Variants in STK33 observed in about 807,000 individuals in gnomAD.
The protein encoded by STK33 is serine/threonine-protein kinase 33.
A neutral mutation model predicts 58.0 loss-of-function variants in STK33; 52 were observed. The ratio of observed to expected loss-of-function variants is 0.90; its 90% CI spans 0.72 to 1.13. STK33 has a LOEUF of 1.13. STK33 is among the 50% of genes most tolerant of loss of function. The pLI is 0.00. For missense variants in STK33, 630 were observed against 604.2 expected (o/e 1.04, Z -0.45); for synonymous variants, 215 against 200.1 (o/e 1.07, Z -0.63).
intron 1 of STK33, among the ~76,000 whole-genome samples, chr11:8,516,028 T>A (rs759627514): frequency 1.3e-5 from 2 of 152,058 alleles, no homozygotes; most frequent in South Asian, 2.1e-4. Flanking sequence ...CTTACCAATA[T>A]CCCAACAGCA....
At chr11:8,587,199 C>G (rs1288461950) in intron 1 of STK33, among the ~76,000 whole-genome samples, 2 of 152,090 alleles carry the variant, frequency 1.3e-5, no homozygotes, top group South Asian at 2.1e-4. Flanking sequence ...AACTCTAAGA[C>G]TCTATGGAGT....
chr11:8,459,859 GAGGAA>G (rs1230299303), intron 8 of STK33, among the ~76,000 whole-genome samples: 6 of 152,170 alleles, frequency 3.9e-5, no homozygotes, highest in Non-Finnish European at 8.8e-5. Flanking sequence ...ACATGTGTAT[GAGGAA>G]ACTACCCAAA....
At position 8,435,521 on chromosome 11, in the gene STK33, C is replaced by T. The variant is rs1943953275; in HGVS notation, c.1119G>A (p.Lys373=). The T allele has an allele frequency of 6.6e-7, 1 of 1,511,470 alleles. No individual in the cohort carries two copies. Among genetic ancestry groups the T allele is most frequent in the African/African-American group, 1.4e-5 (1 of 72,764 alleles). The allele number at this position is 1,511,470 out of a possible 1,614,324, so 93.6% of individuals were successfully genotyped here. ...KVDPAHRITA[K]ELLDNQWLTG... Reference sequence around the variant, plus strand: ...TTAACCACTGGTTATCTAGTAGTTCCTTAGCTGTGATTCTGTGAGCAGGAT... The same window carrying T: ...TTAACCACTGGTTATCTAGTAGTTCTTTAGCTGTGATTCTGTGAGCAGGAT... Residue 373 remains lysine (K), a synonymous_variant, in exon 14 of 16, where the codon AAG becomes AAA. Coordinates refer to ENST00000687296, the MANE Select transcript of STK33 (RefSeq NM_001352389.2).
intron 1 of STK33, among the ~76,000 whole-genome samples, chr11:8,544,470 A>G (rs1292553331): frequency 2.0e-5 from 3 of 151,158 alleles, no homozygotes; most frequent in Non-Finnish European, 4.4e-5. Flanking sequence ...AAAGAAAATT[A>G]TGAGTAAATT....
the STK33 span, among the ~76,000 whole-genome samples, chr11:8,337,043 G>A: frequency 5.3e-5 from 8 of 152,362 alleles, no homozygotes; most frequent in East Asian, 1.9e-4. Flanking sequence ...ATGTGCTGAC[G>A]AGGCACTTTC....
chr11:8,546,794 G>A (rs1299659496), intron 1 of STK33, among the ~76,000 whole-genome samples: 4 of 152,118 alleles, frequency 2.6e-5, no homozygotes, highest in Non-Finnish European at 4.4e-5. Flanking sequence ...ATAATATTCC[G>A]CTGTGTATAT....
At chr11:8,347,716 G>C in the STK33 span, among the ~76,000 whole-genome samples, 1 of 152,224 alleles carries the variant, frequency 6.6e-6, no homozygotes, top group African/African-American at 2.4e-5. Flanking sequence ...CCCTGAGTCA[G>C]GAAGGGGAGT....
At chr11:8,593,261 T>G (rs867735334) in intron 1 of STK33, among the ~76,000 whole-genome samples, 1 of 152,170 alleles carries the variant, frequency 6.6e-6, no homozygotes, top group Non-Finnish European at 1.5e-5. Flanking sequence ...CTTGTTGATG[T>G]TCCTTTCCAT....
At chr11:8,374,616 A>G in the STK33 span, among the ~76,000 whole-genome samples, 4 of 152,206 alleles carry the variant, frequency 2.6e-5, no homozygotes, top group African/African-American at 9.7e-5. Flanking sequence ...TCCAGGCCCC[A>G]AACTTGTGAC....
downstream of STK33, among the ~76,000 whole-genome samples, chr11:8,387,794 A>ACCCCCCCCCCCCCCCCCCTCCC (rs1554891732): frequency 6.8e-6 from 1 of 146,792 alleles, no homozygotes; most frequent in African/African-American, 2.5e-5. Flanking sequence ...TCCATCTTCC[A>ACCCCCCCCCCCCCCCCCCTCCC]CCCCACCCGC....
chr11:8,471,643 T>C (rs560538387), intron 6 of STK33, among the ~76,000 whole-genome samples: 3 of 152,218 alleles, frequency 2.0e-5, no homozygotes, highest in Admixed American at 2.0e-4. Context: ...AATGAGTATA[T>C]TTTATGGGGG....
intron 14 of STK33, among the ~76,000 whole-genome samples, chr11:8,430,196 T>C (rs1472794751): frequency 6.6e-6 from 1 of 152,220 alleles, no homozygotes; most frequent in African/African-American, 2.4e-5. Context: ...TCTATGGTTA[T>C]AGAAAAAAAG....
At chr11:8,524,742 T>G (rs779011596) in intron 1 of STK33, among the ~76,000 whole-genome samples, 2 of 152,086 alleles carry the variant, frequency 1.3e-5, no homozygotes, top group Non-Finnish European at 2.9e-5. Context: ...TTCATTCACT[T>G]AAAGTCAAAG....
At chr11:8,365,533 G>A in the STK33 span, among the ~76,000 whole-genome samples, 6 of 152,164 alleles carry the variant, frequency 3.9e-5, no homozygotes, top group Non-Finnish European at 8.8e-5. Flanking sequence ...TGGGCTTCCA[G>A]GGGGCTGCTG....
intron 1 of STK33, among the ~76,000 whole-genome samples, chr11:8,488,301 AG>A (rs1321345454): frequency 1.3e-5 from 2 of 152,216 alleles, no homozygotes. Context: ...AAAGTTTAAA[AG>A]AAAAAGCTGG....
At chr11:8,556,632 C>T (rs1267716828) in intron 1 of STK33, among the ~76,000 whole-genome samples, 1 of 152,092 alleles carries the variant, frequency 6.6e-6, no homozygotes, top group Non-Finnish European at 1.5e-5. Flanking sequence ...CAAATTGGGT[C>T]CCCTTGTTTT....
intron 1 of STK33, among the ~76,000 whole-genome samples, chr11:8,578,045 C>T (rs1958309718): frequency 6.6e-6 from 1 of 152,090 alleles, no homozygotes; most frequent in African/African-American, 2.4e-5. Flanking sequence ...ACATCTCTCA[C>T]TACAAGTCAG....
chr11:8,399,550 T>G (rs534038252), intron 15 of STK33, among the ~76,000 whole-genome samples: 484 of 151,998 alleles, frequency 3.2e-3, no homozygotes, highest in African/African-American at 0.01. Flanking sequence ...ACATCACAAT[T>G]AAAAGAACTA....
At chr11:8,344,432 G>A in the STK33 span, among the ~76,000 whole-genome samples, 2 of 152,126 alleles carry the variant, frequency 1.3e-5, no homozygotes, top group Non-Finnish European at 2.9e-5. Flanking sequence ...GCACATACTA[G>A]GTGCCAATAT....
Sources: allele counts gnomAD v4.1 joint callset (sites outside exome capture counted in the v4.1 genomes callset), GRCh38; gene constraint gnomAD v4.1.1; transcripts MANE v1.5; gene names NCBI Gene and HGNC (gene_info 2026-07-23, HGNC 2026-07-21).